The following TMPRSS11F variants were observed in gnomAD, a reference collection of about 807,000 sequenced individuals.
TMPRSS11F encodes the protein transmembrane protease serine 11F.
Under a neutral mutation model 60.2 loss-of-function variants are expected in TMPRSS11F, and 47 were observed. That is an observed-to-expected ratio of 0.78 (90% CI 0.62 to 1.00). The LOEUF (loss-of-function observed/expected upper bound fraction) is 1.00. TMPRSS11F is among the 50% of genes least tolerant of loss of function. TMPRSS11F has a pLI of 0.00. For missense variants in TMPRSS11F, 519 were observed against 522.9 expected (o/e 0.99, Z 0.07); for synonymous variants, 166 against 167.3 (o/e 0.99, Z 0.06).
At chr4:68,103,788 A>T (rs1042932647) in intron 1 of TMPRSS11F, among the ~76,000 whole-genome samples, 1 of 152,154 alleles carries the variant, frequency 6.6e-6, no homozygotes, top group Non-Finnish European at 1.5e-5. Context: ...GATTCAGAAC[A>T]TAGGATATCT....
In TMPRSS11F at chr4:68,095,378, A is replaced by C. The variant is rs185291980; in HGVS notation, c.163+3509T>G. ...AAAACGACTTAAAAAGGCACTTCAC[A>C]ATAGCAGAAAATCCAAATGAGCGAC... On this transcript the variant is annotated intron_variant, in intron 2 of 9. Coordinates refer to ENST00000356291, the MANE Select transcript of TMPRSS11F (RefSeq NM_207407.2). 3.3e-3 allele frequency among the ~76,000 whole-genome samples: 498 copies of C among 152,302 alleles called. 4 individuals carry two copies. The highest frequency in any genetic ancestry group is 0.011 in the African/African-American group (472 of 41,566).
intron 1 of TMPRSS11F, among the ~76,000 whole-genome samples, chr4:68,120,978 C>G (rs1724615032): frequency 6.6e-6 from 1 of 152,118 alleles, no homozygotes; most frequent in Non-Finnish European, 1.5e-5. Context: ...TTTACATGCA[C>G]TGGGAAATAT....
intron 1 of TMPRSS11F, among the ~76,000 whole-genome samples, chr4:68,109,395 G>A (rs544816140): frequency 6.6e-5 from 10 of 152,228 alleles, no homozygotes; most frequent in African/African-American, 2.4e-4. Flanking sequence ...TTAGGGTCAT[G>A]CTGAGAAAGC....
intron 1 of TMPRSS11F, among the ~76,000 whole-genome samples, chr4:68,127,976 C>A (rs148090927): frequency 6.6e-6 from 1 of 152,218 alleles, no homozygotes; most frequent in Non-Finnish European, 1.5e-5. Context: ...TACTTATAAA[C>A]CTTCCCCACA....
chr4:68,119,149 T>C (rs1724578251), intron 1 of TMPRSS11F, among the ~76,000 whole-genome samples: 1 of 152,120 alleles, frequency 6.6e-6, no homozygotes, highest in Admixed American at 6.5e-5. Context: ...CAACATGTGT[T>C]AAGGCCATAG....
chr4:68,117,229 A>C (rs1381755221), intron 1 of TMPRSS11F, among the ~76,000 whole-genome samples: 1 of 152,064 alleles, frequency 6.6e-6, no homozygotes, highest in Non-Finnish European at 1.5e-5. Flanking sequence ...GCACTTTGGG[A>C]GGCCGAGGGG....
intron 7 of TMPRSS11F, among the ~76,000 whole-genome samples, 179 bp from the exon 8 acceptor site, chr4:68,065,123 T>C (rs944783805): frequency 3.9e-5 from 6 of 152,230 alleles, no homozygotes; most frequent in Admixed American, 3.9e-4. Flanking sequence ...CAATTAATTA[T>C]GTACAAATAA....
chr4:68,068,661 T>G lies in TMPRSS11F; in HGVS notation c.712A>C (p.Ile238Leu). 6.2e-7 allele frequency: 1 copy of G among 1,614,182 alleles called. No homozygotes were observed. Among genetic ancestry groups the G allele is most frequent in the Non-Finnish European group, 8.5e-7 (1 of 1,180,026 alleles). Residue 238 changes from isoleucine (I) to leucine (L), a missense_variant, in exon 7 of 10, where the codon ATC (isoleucine) becomes CTC (leucine). Coordinates refer to ENST00000356291, the MANE Select transcript of TMPRSS11F (RefSeq NM_207407.2). Reference protein sequence around the residue: ...GSGHQCGASLISNTWLLTAAH... With the variant: ...GSGHQCGASLLSNTWLLTAAH... ...GCTGTGAGCAGCCATGTGTTACTGATGAGGCTGGCTCCACACTGATGGCCT... is the reference window on the plus strand; with the variant it reads ...GCTGTGAGCAGCCATGTGTTACTGAGGAGGCTGGCTCCACACTGATGGCCT...
rs1266303752 is a variant in TMPRSS11F, at chr4:68,053,516, T to C, written c.*393A>G. The C allele has an allele frequency of 1.3e-5, 2 of 157,798 alleles. No individual in the cohort carries two copies. Among genetic ancestry groups the C allele is most frequent in the African/African-American group, 4.8e-5 (2 of 41,732 alleles). The allele number at this position is 157,798 out of a possible 1,614,324, so 9.8% of individuals were successfully genotyped here. The stretch of plus-strand genomic sequence containing the variant: ...CCTGAGTCTTCAGGGAAGACTGTTC[T>C]TTTTCACTAGAAGAATCTCACATGC... On this transcript the variant is annotated 3_prime_UTR_variant, in exon 10 of 10. Coordinates refer to ENST00000356291, the MANE Select transcript of TMPRSS11F (RefSeq NM_207407.2).
chr4:68,062,875 AT>A, intron 8 of TMPRSS11F: 1 of 781,814 alleles, frequency 1.3e-6, no homozygotes, highest in Non-Finnish European at 2.3e-6. Flanking sequence ...TTGCTGCCCA[AT>A]TTTTTAAGTG....
At chr4:68,106,796 A>T (rs147599827) in intron 1 of TMPRSS11F, among the ~76,000 whole-genome samples, 1 of 152,260 alleles carries the variant, frequency 6.6e-6, no homozygotes, top group Non-Finnish European at 1.5e-5. Context: ...TATTTACATA[A>T]TAGAATATAA....
intron 9 of TMPRSS11F, among the ~76,000 whole-genome samples, chr4:68,056,935 G>A (rs1410793230): frequency 2.0e-5 from 3 of 152,156 alleles, no homozygotes; most frequent in Admixed American, 2.0e-4. Context: ...TACACACTGA[G>A]GAAAAGATAG....
chr4:68,058,521 G>T (rs1349215185), intron 9 of TMPRSS11F, among the ~76,000 whole-genome samples: 1 of 152,172 alleles, frequency 6.6e-6, no homozygotes, highest in Non-Finnish European at 1.5e-5. Flanking sequence ...ATTTTCACCA[G>T]TCTATTTCAG....
chr4:68,071,396 T>C (rs573405950), intron 5 of TMPRSS11F, among the ~76,000 whole-genome samples: 2 of 152,308 alleles, frequency 1.3e-5, no homozygotes, highest in South Asian at 4.1e-4. Flanking sequence ...AAGGGAGAAG[T>C]CTTTTGGGTC....
chr4:68,112,867 T>A (rs141116972), intron 1 of TMPRSS11F, among the ~76,000 whole-genome samples: 2 of 152,298 alleles, frequency 1.3e-5, no homozygotes, highest in African/African-American at 4.8e-5. Context: ...ATCTATAGCA[T>A]TCTTCTCTAT....
intron 7 of TMPRSS11F, among the ~76,000 whole-genome samples, chr4:68,065,895 A>T (rs1322666434): frequency 1.3e-5 from 2 of 152,110 alleles, no homozygotes; most frequent in African/African-American, 4.8e-5. Flanking sequence ...AGGCGGGTAG[A>T]CCATGAGGTC....
chr4:68,124,253 A>G (rs1724674885), intron 1 of TMPRSS11F, among the ~76,000 whole-genome samples: 1 of 151,968 alleles, frequency 6.6e-6, no homozygotes, highest in Non-Finnish European at 1.5e-5. Context: ...TTATCAAGAT[A>G]AAGCTGTAGG....
chr4:68,090,687 T>C (rs1207763577), intron 2 of TMPRSS11F, 46 bp from the exon 3 acceptor site: 5 of 1,563,974 alleles, frequency 3.2e-6, no homozygotes, highest in Non-Finnish European at 4.3e-6. Flanking sequence ...AGGTAATAAG[T>C]TGTTTTGTCC....
intron 1 of TMPRSS11F, among the ~76,000 whole-genome samples, chr4:68,106,950 A>T (rs749436441): frequency 1.3e-5 from 2 of 152,182 alleles, no homozygotes; most frequent in Non-Finnish European, 2.9e-5. Flanking sequence ...TTTCAAAATC[A>T]CTATTACCAT....
Sources: gnomAD v4.1 joint callset for allele counts (sites outside exome capture counted in the v4.1 genomes callset) on GRCh38, gnomAD v4.1.1 for gene constraint, MANE v1.5 for transcripts, NCBI Gene and HGNC (gene_info 2026-07-23, HGNC 2026-07-21) for gene names.